The following DOCK9 variants were observed in gnomAD, a reference collection of about 807,000 sequenced individuals.
The protein encoded by DOCK9 is dedicator of cytokinesis 9.
Under a neutral mutation model 263.3 loss-of-function variants are expected in DOCK9, and 89 were observed. That is an observed-to-expected ratio of 0.34 (90% CI 0.28 to 0.40). The LOEUF is 0.40. DOCK9 is among the 10% of genes least tolerant of loss of function. The pLI is 1.00. For synonymous variants in DOCK9, 976 were observed against 973.1 expected (o/e 1.00, Z -0.06); for missense variants, 2,140 against 2,603.4 (o/e 0.82, Z 3.87).
intron 1 of DOCK9, among the ~76,000 whole-genome samples, chr13:99,022,516 G>A (rs2142013269): frequency 6.6e-6 from 1 of 152,314 alleles, no homozygotes; most frequent in East Asian, 1.9e-4. Context: ...GAAAGGAAGT[G>A]GAAACAACCA....
At chr13:99,025,570 T>C (rs1886611909) in intron 1 of DOCK9, among the ~76,000 whole-genome samples, 1 of 152,200 alleles carries the variant, frequency 6.6e-6, no homozygotes, top group Non-Finnish European at 1.5e-5. Context: ...GGTGAGGATG[T>C]GTTGAAAGTA....
intron 1 of DOCK9, among the ~76,000 whole-genome samples, chr13:99,085,928 G>C (rs2042319492): frequency 6.6e-6 from 1 of 152,114 alleles, no homozygotes; most frequent in African/African-American, 2.4e-5. Context: ...GGAGAGAGCG[G>C]GGTGAAAAGA....
rs746632565 is a variant in DOCK9, at chr13:98,888,202, T to C, written c.1999A>G (p.Ile667Val). ...FAKARNIAICIEFKDSDEEDS... is the reference protein window; with the variant it reads ...FAKARNIAICVEFKDSDEEDS... ...TCCTCATCTGAATCTTTGAATTCAATGCAAATCGCAATATTTCTAGCCTGC... is the reference window on the plus strand; with the variant it reads ...TCCTCATCTGAATCTTTGAATTCAACGCAAATCGCAATATTTCTAGCCTGC... Residue 667 changes from isoleucine (I) to valine (V), a missense_variant, in exon 18 of 53, where the codon ATT (isoleucine) becomes GTT (valine). This residue lies in a region of DOCK9 where 1,521 missense variants were observed against 1,741.7 expected (regional missense o/e 0.87). Coordinates refer to ENST00000682017, the MANE Select transcript of DOCK9 (RefSeq NM_001366683.2). 6.2e-7 allele frequency: 1 copy of C among 1,610,402 alleles called. No homozygotes were observed. The highest frequency in any genetic ancestry group is 8.5e-7 in the Non-Finnish European group (1 of 1,178,224).
intron 1 of DOCK9, among the ~76,000 whole-genome samples, chr13:99,032,969 A>G (rs542555512): frequency 5.9e-5 from 9 of 152,378 alleles, no homozygotes; most frequent in Non-Finnish European, 1.0e-4. Context: ...ACTTAGGAGC[A>G]GATTCCAGTA....
intron 1 of DOCK9, among the ~76,000 whole-genome samples, chr13:99,085,386 C>G (rs1941967285): frequency 6.6e-6 from 1 of 152,242 alleles, no homozygotes; most frequent in African/African-American, 2.4e-5. Flanking sequence ...CCTGCTCAAA[C>G]GTCGCTCCAC....
intron 7 of DOCK9, among the ~76,000 whole-genome samples, chr13:98,920,027 AGATGGATGGATG>A (rs577903151): frequency 2.0e-5 from 3 of 152,062 alleles, no homozygotes; most frequent in African/African-American, 7.2e-5. Flanking sequence ...AGGGGTGGAC[AGATGGATGGATG>A]GATGGATGGA....
rs766470509 is a variant in DOCK9, at chr13:98,826,867, G to A, written c.4986C>T (p.His1662=). The change falls in exon 44 of 53, where the codon CAC becomes CAT. Residue 1662 remains histidine (H), a synonymous_variant. Coordinates refer to ENST00000682017, the MANE Select transcript of DOCK9 (RefSeq NM_001366683.2). The stretch of plus-strand genomic sequence containing the variant: ...GATATTCTGCCACTAGGGCTGTTAC[G>A]TGGACATAGCACATTGCTGCCTATA... ...DLSEAAMCYV[H]VTALVAEYLT... 6.2e-6 allele frequency: 10 copies of A among 1,610,656 alleles called. No homozygotes were observed. Among genetic ancestry groups the A allele is most frequent in the South Asian group, 1.1e-5 (1 of 90,046 alleles).
At chr13:98,950,134 G>A in intron 2 of DOCK9, 1 of 575,278 alleles carries the variant, frequency 1.7e-6, no homozygotes. Flanking sequence ...TCTTGCAATG[G>A]TTCTCTGCAC....
chr13:99,028,220 G>C (rs957199998), intron 1 of DOCK9, among the ~76,000 whole-genome samples: 1 of 152,198 alleles, frequency 6.6e-6, no homozygotes, highest in African/African-American at 2.4e-5. Flanking sequence ...GGCTCCTCAA[G>C]CCACTTAGCC....
At chr13:99,037,000 G>A (rs1441307151) in intron 1 of DOCK9, among the ~76,000 whole-genome samples, 1 of 152,164 alleles carries the variant, frequency 6.6e-6, no homozygotes, top group Non-Finnish European at 1.5e-5. Context: ...TACAGTTTCT[G>A]CCCTCATAGA....
chr13:98,959,968 C>T (rs2058456421), intron 1 of DOCK9, among the ~76,000 whole-genome samples: 1 of 152,182 alleles, frequency 6.6e-6, no homozygotes. Context: ...GAGGCGGGGA[C>T]AGCCCACTAG....
intron 2 of DOCK9, among the ~76,000 whole-genome samples, chr13:98,939,892 T>C (rs1161287917): frequency 1.3e-5 from 2 of 152,342 alleles, no homozygotes; most frequent in South Asian, 2.1e-4. Flanking sequence ...GCCTCACGTC[T>C]CTGTAGAATT....
At position 98,831,510 on chromosome 13, in the gene DOCK9, T is replaced by C. The variant is rs1295861313; in HGVS notation, c.4473A>G (p.Glu1491=). Residue 1491 remains glutamate (E), a synonymous_variant, in exon 41 of 53, where the codon GAA becomes GAG. Transcript: ENST00000682017. Reference sequence around the variant, plus strand: ...GAGCCGCACACATGTCCGCTCTCCCTTCATAGAATGTTGAGGGAAACTAGA... The same window carrying C: ...GAGCCGCACACATGTCCGCTCTCCCCTCATAGAATGTTGAGGGAAACTAGA... ...LIYKFPSTFY[E]GRADMCAALC... 6.3e-7 allele frequency: 1 copy of C among 1,587,510 alleles called. No homozygotes were observed. Among genetic ancestry groups the C allele is most frequent in the South Asian group, 1.1e-5 (1 of 87,014 alleles).
At chr13:99,013,108 TC>T (rs993625559) in intron 1 of DOCK9, among the ~76,000 whole-genome samples, 65 of 152,132 alleles carry the variant, frequency 4.3e-4, no homozygotes, top group African/African-American at 1.4e-3. Context: ...TGAATCTGAT[TC>T]TTTTTTTTTT....
chr13:98,985,089 G>A (rs892801407), intron 1 of DOCK9, among the ~76,000 whole-genome samples: 2 of 150,722 alleles, frequency 1.3e-5, no homozygotes, highest in Non-Finnish European at 3.0e-5. Flanking sequence ...TGGGCAGTTG[G>A]GGGGGTGGGG....
At chr13:98,931,868 G>T (rs1320294012) in intron 2 of DOCK9, among the ~76,000 whole-genome samples, 1 of 149,780 alleles carries the variant, frequency 6.7e-6, no homozygotes, top group Non-Finnish European at 1.5e-5. Flanking sequence ...AAAGCACTAG[G>T]ATTACAGGTG....
rs566457329 is a variant in DOCK9 at position 98,819,243 on chromosome 13, C to A, written c.5130+5155G>T. ...CAGGGATCCAACTAATTCCTAAGAA[C>A]CTGAAAGCTTGAGGATTCTTGCACT... is the stretch of plus-strand genomic sequence containing the variant. On this transcript the variant is annotated intron_variant, in intron 45 of 52. Coordinates refer to ENST00000682017, the MANE Select transcript of DOCK9 (RefSeq NM_001366683.2). 1.3e-4 allele frequency among the ~76,000 whole-genome samples: 20 copies of A among 152,278 alleles called. No homozygotes were observed. The East Asian group carries it at 3.9e-3, about 29-fold the overall frequency.
At chr13:98,803,114 C>T (rs2090303059) in intron 49 of DOCK9, among the ~76,000 whole-genome samples, 1 of 152,166 alleles carries the variant, frequency 6.6e-6, no homozygotes, top group Non-Finnish European at 1.5e-5. Flanking sequence ...ATTGCTTAGG[C>T]TGTCTCAACC....
chr13:99,054,426 C>T (rs1413676813), intron 1 of DOCK9, among the ~76,000 whole-genome samples: 1 of 152,200 alleles, frequency 6.6e-6, no homozygotes, highest in Non-Finnish European at 1.5e-5. Flanking sequence ...TGACACTGAG[C>T]TCACAACAGC....
Sources: allele counts gnomAD v4.1 joint callset (sites outside exome capture counted in the v4.1 genomes callset), GRCh38; gene constraint gnomAD v4.1.1; regional missense constraint gnomAD v4.1.1; transcripts MANE v1.5; gene names NCBI Gene and HGNC (gene_info 2026-07-23, HGNC 2026-07-21).